BCAR3: variants seen among roughly 807,000 people sequenced by gnomAD.
BCAR3 encodes the protein breast cancer anti-estrogen resistance protein 3.
In BCAR3, 37 loss-of-function variants were observed where a neutral mutation model predicts 80.1. The ratio of observed to expected loss-of-function variants is 0.46; its 90% CI spans 0.36 to 0.61. BCAR3 has a LOEUF of 0.61. BCAR3 is among the 20% of genes least tolerant of loss of function. BCAR3 has a pLI of 0.00. For synonymous variants in BCAR3, 389 were observed against 418.9 expected, an observed-to-expected ratio of 0.93 and a Z score of 0.87; for missense variants, 978 against 1,068.2, an observed-to-expected ratio of 0.92 and a Z score of 1.18.
intron 3 of BCAR3, among the ~76,000 whole-genome samples, chr1:93,619,100 ATTTTTTTTTT>A (rs34715455): frequency 2.6e-4 from 33 of 126,730 alleles, no homozygotes; most frequent in Non-Finnish European, 4.0e-4. Context: ...CACCACGCCA[ATTTTTTTTTT>A]TTTTTTTTTT....
intron 2 of BCAR3, among the ~76,000 whole-genome samples, chr1:93,782,665 G>A (rs1652803536): frequency 6.6e-6 from 1 of 152,224 alleles, no homozygotes; most frequent in African/African-American, 2.4e-5. Context: ...GGGTCAGCAA[G>A]AGGAACTCCA....
chr1:93,818,128 C>T (rs1311789754), intron 2 of BCAR3, among the ~76,000 whole-genome samples: 6 of 152,196 alleles, frequency 3.9e-5, no homozygotes, highest in Non-Finnish European at 8.8e-5. Flanking sequence ...TAGTGCTTCC[C>T]ACAATTAGAT....
intron 3 of BCAR3, among the ~76,000 whole-genome samples, chr1:93,696,997 T>A (rs762171866): frequency 1.2e-4 from 19 of 152,150 alleles, no homozygotes; most frequent in Non-Finnish European, 2.8e-4. Flanking sequence ...GGAGCTGGCG[T>A]CTCCGTGCAC....
intron 2 of BCAR3, among the ~76,000 whole-genome samples, chr1:93,776,809 T>C (rs943825498): frequency 4.6e-5 from 7 of 152,214 alleles, no homozygotes; most frequent in Non-Finnish European, 1.5e-5. Flanking sequence ...AATAAAGTCT[T>C]ATGTCTTCCT....
intron 2 of BCAR3, among the ~76,000 whole-genome samples, chr1:93,732,300 CAG>C (rs1465663596): frequency 1.3e-5 from 2 of 152,058 alleles, no homozygotes; most frequent in African/African-American, 4.8e-5. Flanking sequence ...TGGAGGGAGA[CAG>C]AGAATGAAAG....
intron 2 of BCAR3, among the ~76,000 whole-genome samples, chr1:93,788,697 T>A (rs1653034526): frequency 6.6e-6 from 1 of 152,208 alleles, no homozygotes; most frequent in South Asian, 2.1e-4. Context: ...CTGAGATGAC[T>A]GTGGGGGCTG....
chr1:93,785,082 A>T (rs1477408280), intron 2 of BCAR3, among the ~76,000 whole-genome samples: 1 of 152,208 alleles, frequency 6.6e-6, no homozygotes, highest in South Asian at 2.1e-4. Context: ...GGGGCATATC[A>T]TTCATTTCAG....
At chr1:93,719,984 C>T (rs184524012) in intron 2 of BCAR3, among the ~76,000 whole-genome samples, 1 of 152,324 alleles carries the variant, frequency 6.6e-6, no homozygotes, top group Admixed American at 6.5e-5. Flanking sequence ...TCATAGTGCA[C>T]TATTGCCTTG....
chr1:93,814,142 T>A (rs188850708), intron 2 of BCAR3, among the ~76,000 whole-genome samples: 14 of 152,344 alleles, frequency 9.2e-5, no homozygotes, highest in Admixed American at 5.2e-4. Flanking sequence ...AGCTTTGATC[T>A]CTGCAAAGGC....
chr1:93,590,133 G>A (rs1324427763), intron 4 of BCAR3: 6 of 152,296 alleles, frequency 3.9e-5, no homozygotes, highest in African/African-American at 1.4e-4. Flanking sequence ...AGTCAGGCTG[G>A]GGTCCCTCAT....
chr1:93,712,252 C>G (rs551971706), intron 2 of BCAR3, among the ~76,000 whole-genome samples: 2 of 152,260 alleles, frequency 1.3e-5, no homozygotes, highest in East Asian at 3.8e-4. Context: ...GTTCACCCAG[C>G]CTGTCCCAGG....
At chr1:93,595,850 G>A (rs748985098) in intron 3 of BCAR3, among the ~76,000 whole-genome samples, 1 of 152,232 alleles carries the variant, frequency 6.6e-6, no homozygotes, top group Non-Finnish European at 1.5e-5. Flanking sequence ...GGTCATGCAT[G>A]TCTGCAACAT....
chr1:93,691,204 A>G (rs1293291532), intron 3 of BCAR3, among the ~76,000 whole-genome samples: 4 of 152,204 alleles, frequency 2.6e-5, no homozygotes, highest in Non-Finnish European at 5.9e-5. Flanking sequence ...TGCCTGAGCC[A>G]GTGTGGGGCT....
chr1:93,612,492 C>T (rs912875760), intron 3 of BCAR3, among the ~76,000 whole-genome samples: 2 of 152,150 alleles, frequency 1.3e-5, no homozygotes, highest in African/African-American at 4.8e-5. Flanking sequence ...ATCCCTCAGA[C>T]CCAGATATTT....
chr1:93,828,615 C>A (rs1475251152), intron 2 of BCAR3, among the ~76,000 whole-genome samples: 1 of 152,114 alleles, frequency 6.6e-6, no homozygotes, highest in Non-Finnish European at 1.5e-5. Context: ...CACAGCTGTT[C>A]ATCTTCATCA....
intron 2 of BCAR3, among the ~76,000 whole-genome samples, chr1:93,837,963 T>C (rs985282099): frequency 6.6e-5 from 10 of 152,228 alleles, no homozygotes; most frequent in African/African-American, 2.2e-4. Context: ...GGCTCTAGCA[T>C]GGACTCTTGT....
At position 93,564,137 on chromosome 1, in the gene BCAR3, C is replaced by T. The variant is rs1173464677; in HGVS notation, c.2300-1718G>A. Among the ~76,000 whole-genome samples, 4 of 152,046 alleles carry T rather than the reference C, an allele frequency of 2.6e-5. 1 individual carries two copies. Among genetic ancestry groups the T allele is most frequent in the Admixed American group, 2.0e-4 (3 of 15,258 alleles). On this transcript the variant is annotated intron_variant, in intron 11 of 11. Coordinates refer to ENST00000260502, the MANE Select transcript of BCAR3 (RefSeq NM_003567.4). The stretch of plus-strand genomic sequence containing the variant: ...TTGTATGCCTTCTCTGATGTAGTGT[C>T]TATTCAAATTTTTGTCTATTTAAAT...
intron 7 of BCAR3, among the ~76,000 whole-genome samples, chr1:93,580,710 G>T (rs1431356564): frequency 2.0e-5 from 3 of 152,144 alleles, no homozygotes; most frequent in Non-Finnish European, 2.9e-5. Flanking sequence ...TTTATATAAG[G>T]AATGCAAGCT....
chr1:93,684,645 C>G (rs569231836), upstream of BCAR3, among the ~76,000 whole-genome samples: 3 of 152,210 alleles, frequency 2.0e-5, no homozygotes, highest in Non-Finnish European at 4.4e-5. Flanking sequence ...TAAATTCATT[C>G]AATAAATACT....
Sources: allele counts gnomAD v4.1 joint callset (sites outside exome capture counted in the v4.1 genomes callset), GRCh38; gene constraint gnomAD v4.1.1; transcripts MANE v1.5; gene names NCBI Gene and HGNC (gene_info 2026-07-23, HGNC 2026-07-21).